The following RASEF variants were observed in gnomAD, a reference collection of about 807,000 sequenced individuals.
The protein encoded by RASEF is ras and EF-hand domain-containing protein.
In RASEF, 68 loss-of-function variants were observed where a neutral mutation model predicts 90.1. The ratio of observed to expected loss-of-function variants is 0.75; its 90% CI spans 0.62 to 0.92. RASEF has a LOEUF of 0.92. RASEF is among the 40% of genes least tolerant of loss of function. RASEF has a pLI of 0.00. For synonymous variants in RASEF, 331 were observed against 345.2 expected (o/e 0.96, Z 0.46); for missense variants, 949 against 937.2 (o/e 1.01, Z -0.16).
chr9:83,197,196 G>C, the RASEF span, among the ~76,000 whole-genome samples: 1 of 152,214 alleles, frequency 6.6e-6, no homozygotes. Context: ...ACCACGGAAA[G>C]ACTGATCTGC....
chr9:82,993,340 G>A (rs1828850537), intron 14 of RASEF, among the ~76,000 whole-genome samples: 1 of 152,112 alleles, frequency 6.6e-6, no homozygotes, highest in Non-Finnish European at 1.5e-5. Flanking sequence ...AAAAGGCACT[G>A]GGATTAATCA....
chr9:83,080,028 T>A, the RASEF span, among the ~76,000 whole-genome samples: 27 of 152,358 alleles, frequency 1.8e-4, no homozygotes, highest in East Asian at 4.0e-3. Context: ...TTAAGCAATA[T>A]TTTTAATTTA....
chr9:83,078,429 G>T, the RASEF span, among the ~76,000 whole-genome samples: 1 of 152,160 alleles, frequency 6.6e-6, no homozygotes. Flanking sequence ...CACTTTGGGA[G>T]GCCGAGGCGG....
chr9:83,127,223 A>G, the RASEF span, among the ~76,000 whole-genome samples: 1 of 152,326 alleles, frequency 6.6e-6, no homozygotes, highest in East Asian at 1.9e-4. Flanking sequence ...CAACAACTAT[A>G]ATGTCAAATT....
chr9:83,008,891 C>CTCATTATATATATAT (rs57817845), intron 6 of RASEF, among the ~76,000 whole-genome samples: 1 of 19,564 alleles, frequency 5.1e-5, no homozygotes, highest in Non-Finnish European at 1.2e-4. Context: ...AAGTTCTCAT[C>CTCATTATATATATAT]ATATATATAT....
intron 3 of RASEF, among the ~76,000 whole-genome samples, chr9:83,019,293 G>C (rs560108429): frequency 2.0e-5 from 3 of 152,094 alleles, no homozygotes; most frequent in African/African-American, 7.2e-5. Flanking sequence ...TATTTGTAAT[G>C]AGCCAAAGAT....
intron 3 of RASEF, among the ~76,000 whole-genome samples, chr9:83,018,720 T>TA (rs1210524035): frequency 5.9e-5 from 9 of 152,114 alleles, no homozygotes; most frequent in Admixed American, 5.9e-4. Flanking sequence ...AGACATACTA[T>TA]AAACCAATAG....
chr9:82,984,857 G>C (rs1587472429), intron 16 of RASEF, among the ~76,000 whole-genome samples: 1 of 152,174 alleles, frequency 6.6e-6, no homozygotes. Context: ...CTTTAAGGGA[G>C]AGTCAGATGT....
the RASEF span, among the ~76,000 whole-genome samples, chr9:83,180,158 T>C: frequency 2.0e-5 from 3 of 152,162 alleles, no homozygotes; most frequent in Admixed American, 6.6e-5. Context: ...AAGAAAATGG[T>C]TTAAGCCAAG....
chr9:83,000,895 C>A lies in RASEF; in HGVS notation c.1437+1G>T. 4 of 1,611,844 alleles carry A rather than the reference C, an allele frequency of 2.5e-6. No individual in the cohort carries two copies. The highest frequency in any genetic ancestry group is 3.4e-6 in the Non-Finnish European group (4 of 1,177,964). On this transcript the variant is annotated splice_donor_variant, in intron 10 of 16. Coordinates refer to ENST00000376447, the MANE Select transcript of RASEF (RefSeq NM_152573.4). LOFTEE classifies it high-confidence loss of function. Reference sequence around the variant, plus strand: ...GGAGAGCAGTGGTTTCTGGGGCTTACATCTGTGTCTGAAGCATCACCTCCA... The same window carrying A: ...GGAGAGCAGTGGTTTCTGGGGCTTAAATCTGTGTCTGAAGCATCACCTCCA...
the RASEF span, among the ~76,000 whole-genome samples, chr9:83,106,653 G>T: frequency 1.3e-5 from 2 of 152,156 alleles, no homozygotes; most frequent in Non-Finnish European, 1.5e-5. Flanking sequence ...TGCTCCACTA[G>T]GATGGCTTTA....
intron 1 of RASEF, among the ~76,000 whole-genome samples, chr9:83,056,833 T>C (rs561930233): frequency 6.6e-6 from 1 of 152,298 alleles, no homozygotes; most frequent in Middle Eastern, 3.4e-3. Context: ...ACAGAATAAA[T>C]CATCTTTCTT....
the RASEF span, among the ~76,000 whole-genome samples, chr9:83,127,396 A>G: frequency 3.3e-5 from 5 of 152,144 alleles, no homozygotes; most frequent in Admixed American, 3.3e-4. Flanking sequence ...CTTGAATTTT[A>G]TTTAGGGTCC....
At chr9:83,166,924 G>C in the RASEF span, among the ~76,000 whole-genome samples, 3 of 152,098 alleles carry the variant, frequency 2.0e-5, no homozygotes, top group Non-Finnish European at 2.9e-5. Context: ...TAAGATATGA[G>C]ACTTAAAGAA....
chr9:82,998,318 G>T, intron 13 of RASEF, 47 bp downstream of exon 13: 1 of 1,217,112 alleles, frequency 8.2e-7, no homozygotes, highest in Non-Finnish European at 1.2e-6. Context: ...TGCAAGGCTT[G>T]TTAATGCAAA....
At chr9:83,137,900 A>G in the RASEF span, among the ~76,000 whole-genome samples, 3 of 152,032 alleles carry the variant, frequency 2.0e-5, no homozygotes, top group Admixed American at 1.3e-4. Flanking sequence ...TATGTTTCTT[A>G]AAGAGAAAGA....
the RASEF span, among the ~76,000 whole-genome samples, chr9:83,167,095 CT>C: frequency 5.5e-3 from 836 of 151,716 alleles, 5 homozygotes; most frequent in African/African-American, 0.019. Flanking sequence ...CAAAGTAGCA[CT>C]TTTTTTTTCA....
intron 1 of RASEF, among the ~76,000 whole-genome samples, chr9:83,036,558 C>T (rs79380226): frequency 0.029 from 4,407 of 152,242 alleles, 197 homozygotes; most frequent in African/African-American, 0.099. Flanking sequence ...AATGCTTTTA[C>T]ATTTCGCAGT....
rs1481724552 is a variant in RASEF at position 83,008,905 on chromosome 9, T to TC, written c.959+735_959+736insG. ...GAAGTTCTCATCATATATATATATA[T>TC]ATATATATATATATATATATATATA... On this transcript the variant is annotated intron_variant, in intron 6 of 16. Coordinates refer to ENST00000376447, the MANE Select transcript of RASEF (RefSeq NM_152573.4). Among the ~76,000 whole-genome samples the TC allele has an allele frequency of 3.8e-4, 44 of 115,990 alleles. 1 individual carries two copies. Among genetic ancestry groups the TC allele is most frequent in the African/African-American group, 9.0e-4 (29 of 32,242 alleles). 76.1% of individuals were successfully genotyped at this position (115,990 alleles called of 152,430 possible). A position where few individuals can be genotyped will look rare whatever the true frequency, so the allele number is the denominator to read the frequency against.
Sources: gnomAD v4.1 joint callset for allele counts (sites outside exome capture counted in the v4.1 genomes callset) on GRCh38, gnomAD v4.1.1 for gene constraint, MANE v1.5 for transcripts, NCBI Gene and HGNC (gene_info 2026-07-23, HGNC 2026-07-21) for gene names.